Variants in CFAP47 observed in about 807,000 individuals in gnomAD.
CFAP47 encodes cilia and flagella associated protein 47.
CFAP47 carries 29 observed loss-of-function variants against 148.1 expected under a neutral mutation model. The ratio of observed to expected loss-of-function variants is 0.20; its 90% CI spans 0.15 to 0.27. The LOEUF (loss-of-function observed/expected upper bound fraction) is 0.27. Among genes scored for constraint, CFAP47 ranks in the 10% least tolerant of loss-of-function variants. The pLI is 1.00. For missense variants in CFAP47, 1,872 were observed against 1,697.5 expected (o/e 1.10, Z -1.81); for synonymous variants, 664 against 577.3 (o/e 1.15, Z -2.15).
chrX:36,136,835 T>A (rs772159022), intron 33 of CFAP47, among the ~76,000 whole-genome samples: 54 of 111,927 alleles, frequency 4.8e-4, no homozygotes, highest in Non-Finnish European at 8.3e-4. Context: ...GAATCTTATA[T>A]CAAAAATGTT....
intron 48 of CFAP47, among the ~76,000 whole-genome samples, chrX:36,243,461 A>C (rs1051280295): frequency 9.2e-6 from 1 of 108,965 alleles, no homozygotes; most frequent in Non-Finnish European, 1.9e-5. Flanking sequence ...CAATACCCAC[A>C]GGCTCAAAGT....
At chrX:36,063,879 C>T (rs1252734632) in intron 26 of CFAP47, among the ~76,000 whole-genome samples, 1 of 111,790 alleles carries the variant, frequency 8.9e-6, no homozygotes, top group African/African-American at 3.3e-5. Flanking sequence ...TAGGTTTCTC[C>T]AGAACTGAAA....
chrX:35,923,885 ATATATATGTGTATATATGTACATG>A (rs1935624040), intron 1 of CFAP47, among the ~76,000 whole-genome samples: 1 of 86,649 alleles, frequency 1.2e-5, no homozygotes, highest in African/African-American at 7.3e-5. Context: ...ATATATGTAC[ATATATATGTGTATATATGTACATG>A]TGTATATATG....
chrX:36,025,932 T>C (rs193295687), intron 22 of CFAP47, among the ~76,000 whole-genome samples: 79 of 112,009 alleles, frequency 7.1e-4, no homozygotes, highest in Admixed American at 6.5e-3. Context: ...GTTAAATTTA[T>C]GGAAAATCTC....
At chrX:35,954,408 G>A (rs1397108813) in intron 7 of CFAP47, among the ~76,000 whole-genome samples, 1 of 111,070 alleles carries the variant, frequency 9.0e-6, no homozygotes, top group African/African-American at 3.3e-5. Flanking sequence ...TATGCAAATC[G>A]AGTGTGTCAG....
chrX:36,379,221 G>C lies in CFAP47; in HGVS notation c.9186-129G>C. ...TTAAAATGCCTCCTCACTATTATTT[G>C]GTAAGCATTCAGCATTAATGTTAAC... On this transcript the variant is annotated intron_variant, in intron 62 of 63. Coordinates refer to ENST00000378653, the MANE Select transcript of CFAP47 (RefSeq NM_001304548.2). 5.5e-6 allele frequency: 3 copies of C among 549,449 alleles called. No homozygotes were observed. The Admixed American group carries it at 1.1e-4, about 20-fold the overall frequency. The allele number at this position is 549,449 out of a possible 1,213,427, so 45.3% of individuals were successfully genotyped here.
chrX:36,172,661 G>A (rs1219048436), intron 39 of CFAP47, among the ~76,000 whole-genome samples: 1 of 111,147 alleles, frequency 9.0e-6, no homozygotes, highest in African/African-American at 3.3e-5. Context: ...ACTTGATCAT[G>A]GTGGATAAGC....
intron 30 of CFAP47, among the ~76,000 whole-genome samples, chrX:36,094,606 C>G (rs1171211207): frequency 9.1e-6 from 1 of 110,471 alleles, no homozygotes; most frequent in Non-Finnish European, 1.9e-5. Flanking sequence ...TAAGTTAATT[C>G]CTTGGTACTT....
At chrX:36,237,518 T>C (rs2146910896) in intron 48 of CFAP47, among the ~76,000 whole-genome samples, 1 of 110,976 alleles carries the variant, frequency 9.0e-6, no homozygotes, top group South Asian at 3.8e-4. Context: ...TTTGTAGAGA[T>C]GGGGTTTTAC....
rs782713831 is a variant in CFAP47, at chrX:36,306,891, T to C, written c.8187+15T>C. On this transcript the variant is annotated intron_variant, in intron 55 of 63. Transcript: ENST00000378653. ...ACTGTACTCAGGTATGATAGAGTAT[T>C]CTTGGACCAAACCAAGTTAATTAAA... The C allele has an allele frequency of 3.2e-5, 28 of 887,511 alleles. No homozygotes were observed. Among genetic ancestry groups the C allele is most frequent in the Non-Finnish European group, 4.3e-5 (28 of 654,111 alleles). 73.1% of individuals were successfully genotyped at this position (887,511 alleles called of 1,213,427 possible).
intron 46 of CFAP47, among the ~76,000 whole-genome samples, chrX:36,231,203 A>G (rs1940351723): frequency 9.0e-6 from 1 of 111,239 alleles, no homozygotes; most frequent in Non-Finnish European, 1.9e-5. Flanking sequence ...TACTTTGGGC[A>G]GTATGGCCAT....
intron 33 of CFAP47, among the ~76,000 whole-genome samples, chrX:36,110,114 T>G (rs1284885492): frequency 8.9e-6 from 1 of 111,769 alleles, no homozygotes; most frequent in East Asian, 2.8e-4. Flanking sequence ...CTTATTAGCT[T>G]AAACAGATCC....
At chrX:36,301,228 A>C (rs1556007782) in intron 53 of CFAP47, 49 bp downstream of exon 53, 2 of 664,533 alleles carry the variant, frequency 3.0e-6, no homozygotes, top group Admixed American at 6.5e-5. Context: ...AAAAATAGTT[A>C]ATCTATTACA....
intron 23 of CFAP47, among the ~76,000 whole-genome samples, chrX:36,033,104 A>C (rs1276362805): frequency 1.8e-5 from 2 of 112,247 alleles, no homozygotes; most frequent in African/African-American, 6.5e-5. Flanking sequence ...TGGACTTCTA[A>C]TCTACAGAAC....
intron 54 of CFAP47, among the ~76,000 whole-genome samples, chrX:36,305,791 T>A (rs943023245): frequency 8.9e-5 from 10 of 111,756 alleles, no homozygotes; most frequent in African/African-American, 2.9e-4. Flanking sequence ...GACAGTGAAA[T>A]TAATTAATAA....
At chrX:36,334,889 C>T (rs1366908952) in intron 57 of CFAP47, among the ~76,000 whole-genome samples, 1 of 110,282 alleles carries the variant, frequency 9.1e-6, no homozygotes, top group African/African-American at 3.3e-5. Context: ...TGGAGTATTA[C>T]AAAACATGGT....
At chrX:36,284,246 A>C (rs1348467251) in intron 50 of CFAP47, among the ~76,000 whole-genome samples, 2 of 111,705 alleles carry the variant, frequency 1.8e-5, no homozygotes, top group Non-Finnish European at 3.8e-5. Flanking sequence ...TGTCTGAAAA[A>C]TAAACAAGTA....
chrX:36,238,676 G>A lies in CFAP47; in HGVS notation c.7332+1817G>A, dbSNP rs1393426479. On this transcript the variant is annotated intron_variant, in intron 48 of 63. Transcript: ENST00000378653. ...CCTTGACATTAATTCCTTAACATTG[G>A]ATTATCAAGTGATAATCAAACCTTG... is the stretch of plus-strand genomic sequence containing the variant. Among the ~76,000 whole-genome samples, 3 of 110,858 alleles carry A rather than the reference G, an allele frequency of 2.7e-5. No individual in the cohort carries two copies. The Admixed American group carries it at 2.9e-4, about 11-fold the overall frequency.
chrX:36,032,663 G>T lies in CFAP47; in HGVS notation c.3651+1316G>T, dbSNP rs1937293999. On this transcript the variant is annotated intron_variant, in intron 23 of 63. Coordinates refer to ENST00000378653, the MANE Select transcript of CFAP47 (RefSeq NM_001304548.2). ...CATTTTTCCTAGTGGGCAGTCAAAAGACAATATCTGAAGCTGATAAACCAT... is the reference window on the plus strand; with the variant it reads ...CATTTTTCCTAGTGGGCAGTCAAAATACAATATCTGAAGCTGATAAACCAT... 2.7e-5 allele frequency among the ~76,000 whole-genome samples: 3 copies of T among 111,141 alleles called. No homozygotes were observed. The South Asian group carries it at 1.1e-3, about 41-fold the overall frequency.
Sources: gnomAD v4.1 joint callset for allele counts (sites outside exome capture counted in the v4.1 genomes callset) on GRCh38, gnomAD v4.1.1 for gene constraint, MANE v1.5 for transcripts, NCBI Gene and HGNC (gene_info 2026-07-23, HGNC 2026-07-21) for gene names.